The following DIAPH2 variants were observed in gnomAD, a reference collection of about 807,000 sequenced individuals.
DIAPH2 encodes diaphanous related formin 2.
DIAPH2 carries 35 observed loss-of-function variants against 92.7 expected under a neutral mutation model. The observed-to-expected ratio is 0.38, with a 90% CI of 0.29 to 0.50. DIAPH2 has a LOEUF of 0.50. Ranked by LOEUF, DIAPH2 falls within the 20% of genes least tolerant of loss-of-function variation. The pLI is 0.94. For missense variants in DIAPH2, 701 were observed against 819.5 expected, an observed-to-expected ratio of 0.86 and a Z score of 1.77; for synonymous variants, 301 against 280.4, an observed-to-expected ratio of 1.07 and a Z score of -0.73.
intron 26 of DIAPH2, among the ~76,000 whole-genome samples, chrX:97,488,652 AT>A (rs1211415173): frequency 2.7e-5 from 3 of 111,593 alleles, no homozygotes; most frequent in Non-Finnish European, 5.6e-5. Context: ...GTCCAATTTC[AT>A]TCTTTTGCAT....
chrX:97,341,061 AGATGCCT>A (rs1282169787), intron 23 of DIAPH2: 1 of 96,086 alleles, frequency 1.0e-5, no homozygotes, highest in African/African-American at 4.1e-5. Flanking sequence ...GTATGGTGGT[AGATGCCT>A]GTAGGCCCAG....
At position 97,602,119 on chromosome X, in the gene DIAPH2, A is replaced by G. The variant is rs948747651; in HGVS notation, c.*2802A>G. 7.1e-5 allele frequency: 8 copies of G among 112,257 alleles called. No individual in the cohort carries two copies. The highest frequency in any genetic ancestry group is 1.5e-4 in the Non-Finnish European group (8 of 53,240). The allele number at this position is 112,257 out of a possible 1,213,427, so 9.3% of individuals were successfully genotyped here. On this transcript the variant is annotated 3_prime_UTR_variant, in exon 27 of 27. Coordinates refer to ENST00000324765, the MANE Select transcript of DIAPH2 (RefSeq NM_006729.5). ...CCCCTTCTCCAAATAAGATAAATTC[A>G]TGGTTTTGGGGATTAGGATGTGGCT...
intron 25 of DIAPH2, among the ~76,000 whole-genome samples, chrX:97,417,716 C>T (rs997549055): frequency 2.7e-5 from 3 of 110,189 alleles, no homozygotes; most frequent in Non-Finnish European, 3.8e-5. Context: ...TAAGTTCCGG[C>T]GTAAAAAATA....
At chrX:97,292,663 C>T (rs1441770708) in intron 23 of DIAPH2, among the ~76,000 whole-genome samples, 2 of 109,235 alleles carry the variant, frequency 1.8e-5, no homozygotes, top group Non-Finnish European at 3.8e-5. Context: ...TCCCCTGCCT[C>T]AGCCTCCCGA....
intron 5 of DIAPH2, among the ~76,000 whole-genome samples, chrX:96,890,734 C>G (rs1215737199): frequency 1.8e-5 from 2 of 111,945 alleles, no homozygotes; most frequent in Non-Finnish European, 3.8e-5. Flanking sequence ...TCATGAATTT[C>G]AAATTCACAT....
intron 26 of DIAPH2, among the ~76,000 whole-genome samples, chrX:97,584,140 C>T (rs943390706): frequency 5.3e-5 from 6 of 112,257 alleles, no homozygotes; most frequent in East Asian, 2.8e-4. Flanking sequence ...TGTTCTGCGT[C>T]GCTCAGGCTG....
intron 14 of DIAPH2, among the ~76,000 whole-genome samples, chrX:96,948,308 T>C (rs1418536633): frequency 8.9e-6 from 1 of 112,568 alleles, no homozygotes; most frequent in Non-Finnish European, 1.9e-5. Flanking sequence ...ACATGGTGGC[T>C]CACGCCTGTA....
In DIAPH2 at chrX:96,882,867, G is replaced by A. The variant is rs777442436; in HGVS notation, c.587+1149G>A. ...CCAGGTATTCACGAGGCTGAGGTGGGAGGATCACCTCAGCCCGGGAGGTGG... is the reference window on the plus strand; with the variant it reads ...CCAGGTATTCACGAGGCTGAGGTGGAAGGATCACCTCAGCCCGGGAGGTGG... On this transcript the variant is annotated intron_variant, in intron 5 of 26. Transcript: ENST00000324765. Among the ~76,000 whole-genome samples the A allele has an allele frequency of 1.1e-3, 107 of 98,567 alleles. 1 individual carries two copies. The highest frequency in any genetic ancestry group is 4.0e-3 in the African/African-American group (105 of 26,156). The allele number at this position is 98,567 out of a possible 115,157, so 85.6% of individuals were successfully genotyped here.
At chrX:97,265,343 C>T (rs934860043) in intron 23 of DIAPH2, among the ~76,000 whole-genome samples, 1 of 111,795 alleles carries the variant, frequency 8.9e-6, no homozygotes, top group Non-Finnish European at 1.9e-5. Flanking sequence ...CTATGTGCCG[C>T]TCAGTGTTCT....
At chrX:97,279,551 GC>G (rs776773203) in intron 23 of DIAPH2, among the ~76,000 whole-genome samples, 4 of 110,490 alleles carry the variant, frequency 3.6e-5, no homozygotes, top group Non-Finnish European at 7.6e-5. Flanking sequence ...TGATCCACCA[GC>G]CTTGACCTCC....
chrX:97,248,345 G>A (rs756482456), intron 23 of DIAPH2, among the ~76,000 whole-genome samples: 15 of 111,257 alleles, frequency 1.3e-4, no homozygotes, highest in African/African-American at 3.9e-4. Context: ...TTGATTAGTA[G>A]ATTATATATT....
At chrX:97,583,853 A>G (rs1165491491) in intron 26 of DIAPH2, among the ~76,000 whole-genome samples, 1 of 112,334 alleles carries the variant, frequency 8.9e-6, no homozygotes, top group African/African-American at 3.2e-5. Flanking sequence ...CCTCCGAGCC[A>G]GGTGCGGGAT....
chrX:97,565,296 G>A (rs774931900), intron 26 of DIAPH2, among the ~76,000 whole-genome samples: 2 of 111,681 alleles, frequency 1.8e-5, no homozygotes, highest in Non-Finnish European at 3.8e-5. Flanking sequence ...CCTATCATAC[G>A]GGATCCTTTT....
intron 15 of DIAPH2, among the ~76,000 whole-genome samples, chrX:96,953,182 G>A (rs1208654147): frequency 2.7e-5 from 3 of 111,442 alleles, no homozygotes; most frequent in East Asian, 2.8e-4. Context: ...AGCTTTTTTT[G>A]TTGTTCACTG....
At chrX:97,490,935 G>A (rs2070721346) in intron 26 of DIAPH2, among the ~76,000 whole-genome samples, 1 of 109,587 alleles carries the variant, frequency 9.1e-6, no homozygotes, top group South Asian at 3.8e-4. Flanking sequence ...TCTTAGTGTT[G>A]TTCAAGTCTA....
chrX:97,086,761 G>A (rs2066786163), intron 19 of DIAPH2, among the ~76,000 whole-genome samples: 1 of 111,251 alleles, frequency 9.0e-6, no homozygotes, highest in Admixed American at 9.6e-5. Context: ...CTTATTTCGC[G>A]GGAGGAGAAA....
chrX:97,391,315 T>A (rs1228207162), intron 25 of DIAPH2, among the ~76,000 whole-genome samples: 1 of 111,437 alleles, frequency 9.0e-6, no homozygotes, highest in Non-Finnish European at 1.9e-5. Context: ...TGTGAATCCA[T>A]GGGGCGTGAA....
chrX:97,444,470 C>G (rs1182371257), intron 26 of DIAPH2, among the ~76,000 whole-genome samples: 2 of 111,112 alleles, frequency 1.8e-5, no homozygotes, highest in Non-Finnish European at 3.8e-5. Flanking sequence ...GTTATAATAC[C>G]TGTTCGAGCT....
At position 96,846,568 on chromosome X, in the gene DIAPH2, A is replaced by C. The variant is rs969794947; in HGVS notation, c.448-35011A>C. 8.0e-5 allele frequency among the ~76,000 whole-genome samples: 9 copies of C among 112,346 alleles called. No homozygotes were observed. The South Asian group carries it at 2.9e-3, about 36-fold the overall frequency. ...AATATATCCAATTCTATTCATATTC[A>C]CTTAGTCCACTTTCTCATTTCACAC... On this transcript the variant is annotated intron_variant, in intron 4 of 26. Coordinates refer to ENST00000324765, the MANE Select transcript of DIAPH2 (RefSeq NM_006729.5).
Sources: gnomAD v4.1 joint callset for allele counts (sites outside exome capture counted in the v4.1 genomes callset) on GRCh38, gnomAD v4.1.1 for gene constraint, MANE v1.5 for transcripts, NCBI Gene and HGNC (gene_info 2026-07-23, HGNC 2026-07-21) for gene names.